Variants in TSEN2 observed in about 807,000 individuals in gnomAD.
TSEN2 encodes tRNA-splicing endonuclease subunit Sen2.
Under a neutral mutation model 59.2 loss-of-function variants are expected in TSEN2, and 54 were observed. The ratio of observed to expected loss-of-function variants is 0.91; its 90% confidence interval spans 0.73 to 1.14. The LOEUF (loss-of-function observed/expected upper bound fraction) is 1.14. TSEN2 is among the 50% of genes most tolerant of loss of function. The probability of loss-of-function intolerance (pLI) is 0.00; values close to 1 mark genes in which losing one functional copy is unlikely to be tolerated. For missense variants in TSEN2, 636 were observed against 576.2 expected, an observed-to-expected ratio of 1.10 and a Z score of -1.06; for synonymous variants, 195 against 198.2, an observed-to-expected ratio of 0.98 and a Z score of 0.14.
chr3:12,521,814 A>C (rs1305057853), intron 8 of TSEN2, among the ~76,000 whole-genome samples: 1 of 152,220 alleles, frequency 6.6e-6, no homozygotes, highest in African/African-American at 2.4e-5. Context: ...GATCGAGACC[A>C]TCCTGGCTAA....
intron 6 of TSEN2, among the ~76,000 whole-genome samples, chr3:12,507,978 A>G (rs1274124992): frequency 6.6e-6 from 1 of 152,182 alleles, no homozygotes; most frequent in Admixed American, 6.5e-5. Context: ...AGCTCTGCCA[A>G]AACGAATGCC....
At chr3:12,515,452 T>C (rs1197794112) in intron 6 of TSEN2, among the ~76,000 whole-genome samples, 1 of 152,162 alleles carries the variant, frequency 6.6e-6, no homozygotes. Context: ...GATGTTTGGT[T>C]ATCAATCTAA....
At chr3:12,502,432 A>T (rs1414079960) in intron 4 of TSEN2, among the ~76,000 whole-genome samples, 1 of 152,100 alleles carries the variant, frequency 6.6e-6, no homozygotes, top group Non-Finnish European at 1.5e-5. Context: ...GCTACTCGGG[A>T]GGCTGAGGCA....
At chr3:12,488,870 C>T (rs1157521923) in intron 1 of TSEN2, among the ~76,000 whole-genome samples, 1 of 152,208 alleles carries the variant, frequency 6.6e-6, no homozygotes, top group Non-Finnish European at 1.5e-5. Context: ...ACCTGGGTCA[C>T]CCGATGCCAC....
intron 8 of TSEN2, among the ~76,000 whole-genome samples, chr3:12,525,907 T>C (rs902634224): frequency 2.6e-5 from 4 of 151,922 alleles, no homozygotes; most frequent in African/African-American, 9.7e-5. Context: ...GAATAATCCG[T>C]TGCACTATGA....
chr3:12,511,401 A>G (rs994807412), intron 6 of TSEN2, among the ~76,000 whole-genome samples: 17 of 152,276 alleles, frequency 1.1e-4, no homozygotes, highest in African/African-American at 4.1e-4. Context: ...GTACAATAAA[A>G]ATAGCACTTA....
intron 4 of TSEN2, among the ~76,000 whole-genome samples, chr3:12,501,641 A>G (rs921995664): frequency 2.0e-5 from 3 of 151,580 alleles, no homozygotes; most frequent in African/African-American, 7.3e-5. Context: ...GGAACATTTC[A>G]CAAATTTGCG....
chr3:12,499,879 C>T (rs894560189), intron 4 of TSEN2, among the ~76,000 whole-genome samples: 1 of 152,188 alleles, frequency 6.6e-6, no homozygotes, highest in African/African-American at 2.4e-5. Flanking sequence ...GGCACTGTGG[C>T]CCCAGAACCT....
chr3:12,499,021 A>G (rs557706993), intron 4 of TSEN2, among the ~76,000 whole-genome samples: 1 of 152,266 alleles, frequency 6.6e-6, no homozygotes, highest in African/African-American at 2.4e-5. Context: ...CAGCCTCCCA[A>G]AGCACCAGGA....
At chr3:12,539,138 T>C (rs2057751592) in intron 10 of TSEN2, 1 of 258,482 alleles carries the variant, frequency 3.9e-6, no homozygotes, top group Non-Finnish European at 7.9e-6. Context: ...TGCTTTTTTC[T>C]TTTTTTTTTT....
At chr3:12,510,572 A>G (rs376380035) in intron 6 of TSEN2, among the ~76,000 whole-genome samples, 1 of 152,210 alleles carries the variant, frequency 6.6e-6, no homozygotes, top group African/African-American at 2.4e-5. Flanking sequence ...GCCTGACAGC[A>G]GCAGTCTCAG....
intron 6 of TSEN2, among the ~76,000 whole-genome samples, chr3:12,512,741 A>G (rs1273736687): frequency 6.6e-6 from 1 of 152,192 alleles, no homozygotes; most frequent in African/African-American, 2.4e-5. Context: ...ATTTTAACCC[A>G]TACTTTTTGT....
chr3:12,494,611 G>A (rs1478155640), intron 3 of TSEN2, among the ~76,000 whole-genome samples: 1 of 151,836 alleles, frequency 6.6e-6, no homozygotes, highest in Non-Finnish European at 1.5e-5. Flanking sequence ...ATGTTGAGCA[G>A]GCTGGTCTCA....
chr3:12,521,167 A>T (rs2056607060), intron 8 of TSEN2, among the ~76,000 whole-genome samples: 1 of 152,152 alleles, frequency 6.6e-6, no homozygotes. Context: ...CCCAATCTTA[A>T]AGTGAGGGTC....
intron 4 of TSEN2, among the ~76,000 whole-genome samples, chr3:12,502,688 T>G (rs1214380357): frequency 2.8e-4 from 41 of 144,124 alleles, no homozygotes; most frequent in African/African-American, 8.9e-4. Context: ...TTTTTTTTTT[T>G]GTTTTTTTTT....
At chr3:12,526,400 T>A (rs535435880) in intron 8 of TSEN2, among the ~76,000 whole-genome samples, 1 of 152,330 alleles carries the variant, frequency 6.6e-6, no homozygotes, top group South Asian at 2.1e-4. Context: ...GATACACAGA[T>A]ATTTAACCAT....
chr3:12,485,769 T>C (rs2052553849), intron 1 of TSEN2, among the ~76,000 whole-genome samples: 1 of 152,142 alleles, frequency 6.6e-6, no homozygotes, highest in Admixed American at 6.5e-5. Context: ...AAACCAACCT[T>C]TGCATCCCAA....
upstream of TSEN2, among the ~76,000 whole-genome samples, chr3:12,480,831 G>A (rs2052184665): frequency 2.0e-5 from 3 of 152,222 alleles, no homozygotes; most frequent in Admixed American, 2.0e-4. Flanking sequence ...ACCGCGCCCG[G>A]CCTGTCATGT....
rs143658542 is a variant in TSEN2 at position 12,539,322 on chromosome 3, C to T, written c.1422C>T (p.Asp474=). 4,756 of 328,006 alleles carry T rather than the reference C, an allele frequency of 0.014. 61 individuals carry two copies. Among genetic ancestry groups the T allele is most frequent in the Admixed American group, 0.042 (930 of 21,982 alleles). 20.3% of individuals were successfully genotyped at this position (328,006 alleles called of 1,614,324 possible). A position where few individuals can be genotyped will look rare whatever the true frequency, so the allele number is the denominator to read the frequency against. Residue 474 remains aspartate (D), a synonymous_variant, in exon 11 of 11, where the codon GAC becomes GAT. Coordinates refer to the TSEN2 transcript ENST00000412698. Reference sequence around the variant, plus strand: ...CTAATTTTTGTATTTTTAGTAGAGACGGGGTTTCACTATGTTGGCCAGGCT... The same window carrying T: ...CTAATTTTTGTATTTTTAGTAGAGATGGGGTTTCACTATGTTGGCCAGGCT...
Sources: allele counts gnomAD v4.1 joint callset (sites outside exome capture counted in the v4.1 genomes callset), GRCh38; gene constraint gnomAD v4.1.1; transcripts MANE v1.5; gene names NCBI Gene and HGNC (gene_info 2026-07-23, HGNC 2026-07-21).